The following MYO3B variants were observed in gnomAD, a reference collection of about 807,000 sequenced individuals.
MYO3B encodes myosin IIIB.
In MYO3B, 156 loss-of-function variants were observed where a neutral mutation model predicts 174.6. The observed-to-expected ratio is 0.89, with a 90% confidence interval of 0.78 to 1.02. The LOEUF (loss-of-function observed/expected upper bound fraction) is 1.02, where lower values mean the gene tolerates loss of function less well. Among genes scored for constraint, MYO3B ranks in the 50% least tolerant of loss-of-function variants. The pLI is 0.00. For synonymous variants in MYO3B, 563 were observed against 569.1 expected (o/e 0.99, Z 0.15); for missense variants, 1,632 against 1,639.4 (o/e 1.00, Z 0.08).
At chr2:170,485,420 C>CACACACAGAG (rs777460347) in intron 25 of MYO3B, among the ~76,000 whole-genome samples, 24 of 127,906 alleles carry the variant, frequency 1.9e-4, no homozygotes, top group Admixed American at 9.7e-4. Flanking sequence ...CACACACACA[C>CACACACAGAG]AGAGAGAGAG....
rs369378857 is a variant in MYO3B, at chr2:170,548,059, A to G, written c.3733+4071A>G. Among the ~76,000 whole-genome samples the G allele has an allele frequency of 7.7e-4, 112 of 146,218 alleles. 3 individuals are homozygous for G. Among genetic ancestry groups the G allele is most frequent in the African/African-American group, 2.7e-3 (106 of 38,660 alleles). ...GAGGCCGTGCTTGCAGTGAGCCAAGATCGCGCCACTGCACTCCAGCCTGGG... is the reference window on the plus strand; with the variant it reads ...GAGGCCGTGCTTGCAGTGAGCCAAGGTCGCGCCACTGCACTCCAGCCTGGG... On this transcript the variant is annotated intron_variant, in intron 32 of 34. Coordinates refer to ENST00000408978, the MANE Select transcript of MYO3B (RefSeq NM_138995.5).
intron 7 of MYO3B, among the ~76,000 whole-genome samples, chr2:170,265,519 C>T (rs1460429576): frequency 6.6e-6 from 1 of 152,184 alleles, no homozygotes; most frequent in African/African-American, 2.4e-5. Flanking sequence ...AGACAGGGCA[C>T]AGGCAAGGTC....
chr2:170,388,800 C>G (rs1392132926), intron 14 of MYO3B, among the ~76,000 whole-genome samples: 1 of 152,214 alleles, frequency 6.6e-6, no homozygotes, highest in African/African-American at 2.4e-5. Context: ...AGGAATTGTT[C>G]TGGGTTGAAA....
At position 170,335,461 on chromosome 2, in the gene MYO3B, C is replaced by A. The variant is rs1190229508; in HGVS notation, c.815+11C>A. 1.2e-6 allele frequency: 2 copies of A among 1,607,824 alleles called. No homozygotes were observed. The highest frequency in any genetic ancestry group is 1.7e-6 in the Non-Finnish European group (2 of 1,175,958). The stretch of plus-strand genomic sequence containing the variant: ...CCACTTTATTTCACAGTGAGTATTT[C>A]TTCCACTAAAAATTGCCCATCTAGC... On this transcript the variant is annotated intron_variant, in intron 8 of 34. Transcript: ENST00000408978.
intron 7 of MYO3B, among the ~76,000 whole-genome samples, chr2:170,263,488 AG>A (rs2093360404): frequency 6.6e-6 from 1 of 151,890 alleles, no homozygotes; most frequent in African/African-American, 2.4e-5. Context: ...CATCTCGGAG[AG>A]GGGGATGTGG....
chr2:170,392,533 T>C (rs2094419217), intron 16 of MYO3B, 38 bp downstream of exon 16: 2 of 1,295,216 alleles, frequency 1.5e-6, no homozygotes, highest in East Asian at 2.5e-5. Flanking sequence ...AGTGACAATA[T>C]TCTTATATGA....
rs1000085391 is a variant in MYO3B, at chr2:170,654,337, G to A, written c.*1216G>A. On this transcript the variant is annotated 3_prime_UTR_variant, in exon 35 of 35. Coordinates refer to ENST00000408978, the MANE Select transcript of MYO3B (RefSeq NM_138995.5). ...TATTTTTCTTACTCTAAAATATGTGGTAGATAGTATGCAAGAAAAGCCGGG... is the reference window on the plus strand; with the variant it reads ...TATTTTTCTTACTCTAAAATATGTGATAGATAGTATGCAAGAAAAGCCGGG... 2 of 152,146 alleles carry A rather than the reference G, an allele frequency of 1.3e-5. No individual in the cohort carries two copies. 9.4% of individuals were successfully genotyped at this position (152,146 alleles called of 1,614,324 possible).
At chr2:170,507,726 T>C (rs1687701928) in intron 28 of MYO3B, among the ~76,000 whole-genome samples, 1 of 149,238 alleles carries the variant, frequency 6.7e-6, no homozygotes, top group Non-Finnish European at 1.5e-5. Flanking sequence ...AGGCTTAACA[T>C]ATCTTGTAGG....
At position 170,279,501 on chromosome 2, in the gene MYO3B, G is replaced by A. The variant is rs374000538; in HGVS notation, c.749+43365G>A. On this transcript the variant is annotated intron_variant, in intron 7 of 34. Transcript: ENST00000408978. ...TTTTAGGTTCAGGGGTACATGTGAA[G>A]GTTTGTTACATAGGTAAACTTGTGT... is the stretch of plus-strand genomic sequence containing the variant. Among the ~76,000 whole-genome samples the A allele has an allele frequency of 2.0e-4, 30 of 152,038 alleles. No homozygotes were observed. The South Asian group carries it at 4.4e-3, about 22-fold the overall frequency.
At chr2:170,647,931 T>G (rs973999234) in intron 32 of MYO3B, 23 of 152,274 alleles carry the variant, frequency 1.5e-4, no homozygotes, top group East Asian at 1.2e-3. Flanking sequence ...ACCCAAAAAC[T>G]TCTTAAGATC....
chr2:170,485,627 T>C (rs1686003098), intron 25 of MYO3B, among the ~76,000 whole-genome samples: 2 of 152,214 alleles, frequency 1.3e-5, no homozygotes, highest in Admixed American at 1.3e-4. Context: ...GTTCCTCTAC[T>C]GGTGGATACT....
At chr2:170,180,156 C>T (rs1440229209) in intron 1 of MYO3B, 2 of 445,976 alleles carry the variant, frequency 4.5e-6, no homozygotes, top group East Asian at 7.1e-5. Context: ...AGGGTGCATG[C>T]TGCAGAGTGC....
chr2:170,444,083 G>A (rs1427550165), intron 23 of MYO3B, 37 bp downstream of exon 23: 2 of 1,561,742 alleles, frequency 1.3e-6, no homozygotes, highest in Non-Finnish European at 1.8e-6. Context: ...AGTATGGACT[G>A]GCAGGTACTC....
chr2:170,306,131 C>A (rs563121064), intron 7 of MYO3B, among the ~76,000 whole-genome samples: 1 of 152,306 alleles, frequency 6.6e-6, no homozygotes, highest in African/African-American at 2.4e-5. Flanking sequence ...ATCCCGCTTC[C>A]TATGCTTGTG....
At chr2:170,178,517 T>C (rs930363997) in intron 1 of MYO3B, among the ~76,000 whole-genome samples, 1 of 148,734 alleles carries the variant, frequency 6.7e-6, no homozygotes. Context: ...ATAAACACCC[T>C]CTTGAGTATT....
intron 25 of MYO3B, among the ~76,000 whole-genome samples, chr2:170,486,462 G>A (rs1404607446): frequency 4.6e-5 from 7 of 151,958 alleles, no homozygotes; most frequent in Admixed American, 1.3e-4. Context: ...ACACCACCAC[G>A]CCTGACTAAT....
chr2:170,344,464 T>C (rs926824038), intron 8 of MYO3B: 1 of 88,266 alleles, frequency 1.1e-5, no homozygotes, highest in Non-Finnish European at 2.0e-5. Context: ...AGACCCCGTC[T>C]CGGTTGGGGG....
At chr2:170,473,468 T>C (rs1685115030) in intron 25 of MYO3B, among the ~76,000 whole-genome samples, 1 of 152,084 alleles carries the variant, frequency 6.6e-6, no homozygotes, top group South Asian at 2.1e-4. Flanking sequence ...TTTTCTTTTA[T>C]CATCCCTTGA....
At chr2:170,181,184 C>CT (rs1038274175) in intron 1 of MYO3B, among the ~76,000 whole-genome samples, 9 of 151,892 alleles carry the variant, frequency 5.9e-5, no homozygotes, top group Non-Finnish European at 1.2e-4. Flanking sequence ...GATAAAGATT[C>CT]TTTTTTTCTT....
Sources: gnomAD v4.1 joint callset for allele counts (sites outside exome capture counted in the v4.1 genomes callset) on GRCh38, gnomAD v4.1.1 for gene constraint, MANE v1.5 for transcripts, NCBI Gene and HGNC (gene_info 2026-07-23, HGNC 2026-07-21) for gene names.